The following GGT1 variants were observed in gnomAD, a reference collection of about 807,000 sequenced individuals.
The protein encoded by GGT1 is gamma-glutamyltransferase 1.
GGT1 carries 21 observed loss-of-function variants against 56.0 expected under a neutral mutation model. The ratio of observed to expected loss-of-function variants is 0.38; its 90% CI spans 0.27 to 0.54. GGT1 has a LOEUF of 0.54. GGT1 is among the 20% of genes least tolerant of loss of function. GGT1 has a pLI of 0.82. For synonymous variants in GGT1, 238 were observed against 342.6 expected (o/e 0.69, Z 3.37); for missense variants, 466 against 787.0 (o/e 0.59, Z 4.88).
intron 7 of GGT1, among the ~76,000 whole-genome samples, chr22:24,615,391 A>G (rs2046997327): frequency 6.6e-6 from 1 of 152,214 alleles, no homozygotes; most frequent in African/African-American, 2.4e-5. Context: ...TTATGCTAGC[A>G]GACCTCATGG....
In GGT1 at chr22:24,605,738, TATA is replaced by T. The variant is rs1488226095; in HGVS notation, c.-428-2213_-428-2211del. ...GTGTATTATATATTATATAATATTA[TATA>T]ATGTGTATTATATATTATATAATAT... On this transcript the variant is annotated intron_variant, in intron 1 of 15. Transcript: ENST00000400382. 1.1e-4 allele frequency among the ~76,000 whole-genome samples: 9 copies of T among 78,810 alleles called. 3 individuals are homozygous for T. Among genetic ancestry groups the T allele is most frequent in the Non-Finnish European group, 1.6e-4 (8 of 50,346 alleles). The allele number at this position is 78,810 out of a possible 152,430, so 51.7% of individuals were successfully genotyped here. A position where few individuals can be genotyped will look rare whatever the true frequency, so the allele number is the denominator to read the frequency against.
At chr22:24,586,954 A>G in the GGT1 span, among the ~76,000 whole-genome samples, 2 of 152,230 alleles carry the variant, frequency 1.3e-5, no homozygotes, top group East Asian at 1.9e-4. Context: ...CTCTTTCTTC[A>G]TGAACTATTA....
chr22:24,590,203 G>T (rs2045528590), upstream of GGT1, among the ~76,000 whole-genome samples: 1 of 152,170 alleles, frequency 6.6e-6, no homozygotes, highest in African/African-American at 2.4e-5. Flanking sequence ...CGTGATCTCA[G>T]TTCAGTGTAA....
chr22:24,587,347 C>T, the GGT1 span, among the ~76,000 whole-genome samples: 12 of 152,166 alleles, frequency 7.9e-5, no homozygotes, highest in Admixed American at 3.3e-4. Flanking sequence ...GACCCCCGCC[C>T]CCACCAACCC....
Position 24,627,851 on chromosome 22 carries a change from G to A in GGT1, c.1209-1G>A. 2 of 1,612,566 alleles carry A rather than the reference G, an allele frequency of 1.2e-6. No individual in the cohort carries two copies. Among genetic ancestry groups the A allele is most frequent in the East Asian group, 4.5e-5 (2 of 44,878 alleles). ...CACTGTCTGACCTGGCTGGGCGGTA[G>A]CTTTGGCTCCAAGGTCCGCTCCCCG... On this transcript the variant is annotated splice_acceptor_variant, in intron 12 of 15. Transcript: ENST00000400382. LOFTEE classifies it high-confidence loss of function.
chr22:24,601,235 G>A (rs2045776675), upstream of GGT1, among the ~76,000 whole-genome samples: 1 of 152,222 alleles, frequency 6.6e-6, no homozygotes, highest in Admixed American at 6.5e-5. Context: ...ATCATTGTGA[G>A]CCTCATGATG....
chr22:24,592,205 G>C, upstream of GGT1: 1 of 436,726 alleles, frequency 2.3e-6, no homozygotes, highest in Non-Finnish European at 4.6e-6. Context: ...TTGGGATCTG[G>C]GTTTAGTGTA....
chr22:24,611,773 T>TTG (rs57600451), intron 5 of GGT1, among the ~76,000 whole-genome samples: 21,048 of 130,750 alleles, frequency 0.16, 1,716 homozygotes, highest in Middle Eastern at 0.23. Context: ...CCCAACAAAT[T>TTG]TGTGTGTGTG....
At chr22:24,617,264 C>T (rs1200085051) in intron 7 of GGT1, among the ~76,000 whole-genome samples, 1 of 152,114 alleles carries the variant, frequency 6.6e-6, no homozygotes, top group African/African-American at 2.4e-5. Context: ...GGACAGAGCC[C>T]TGTGGGGAGC....
At chr22:24,592,295 A>G (rs1011131067), upstream of GGT1, 9 of 468,580 alleles carry the variant, frequency 1.9e-5, no homozygotes, top group Non-Finnish European at 3.5e-5. Flanking sequence ...CTCTAAGGGC[A>G]TGAGCCGCCT....
chr22:24,620,994 G>A lies in GGT1; in HGVS notation c.657G>A (p.Thr219=), dbSNP rs756585776. Residue 219 remains threonine (T), a synonymous_variant, in exon 9 of 16, where the codon ACG becomes ACA. Coordinates refer to ENST00000400382, the MANE Select transcript of GGT1 (RefSeq NM_001288833.2). This position sits in a 1 kb window ranked among gnomAD's most constrained non-coding sequence, Gnocchi z 5.6. ...TLPQLADTYE[T]LAIEGAQAFY... is the part of the protein sequence containing the mutation. ...CGCAGCTGGCTGACACCTACGAGAC[G>A]CTGGCCATCGAGGGTGCCCAGGCCT... is the stretch of plus-strand genomic sequence containing the variant. The A allele has an allele frequency of 1.2e-5, 20 of 1,611,580 alleles. No homozygotes were observed. Among genetic ancestry groups the A allele is most frequent in the Middle Eastern group, 2.3e-4 (1 of 4,430 alleles).
In GGT1 at chr22:24,623,836, C is replaced by G; in HGVS notation, c.940C>G (p.His314Asp). Reference sequence around the variant, plus strand: ...CCCCGAGCAGAAGGGCCTGACGTACCACCGCATCGTAGAGGCTTTCCGGTT... The same window carrying G: ...CCCCGAGCAGAAGGGCCTGACGTACGACCGCATCGTAGAGGCTTTCCGGTT... ...ESPEQKGLTY[H>D]RIVEAFRFAY... is the part of the protein sequence containing the mutation. The change falls in exon 11 of 16, where the codon CAC becomes GAC. Residue 314 changes from histidine to aspartate, a missense_variant. Physicochemically the swap from His to Asp is moderately conservative, Grantham distance 81 (BLOSUM62 -1). Coordinates refer to ENST00000400382, the MANE Select transcript of GGT1 (RefSeq NM_001288833.2). The G allele has an allele frequency of 6.2e-7, 1 of 1,611,908 alleles. No individual in the cohort carries two copies. Among genetic ancestry groups the G allele is most frequent in the Non-Finnish European group, 8.5e-7 (1 of 1,179,840 alleles).
At chr22:24,605,426 T>TATATAATATA (rs2046106412) in intron 1 of GGT1, among the ~76,000 whole-genome samples, 1 of 82,072 alleles carries the variant, frequency 1.2e-5, no homozygotes, top group African/African-American at 6.0e-5. Context: ...ATATGTATTA[T>TATATAATATA]ATATTATATA....
chr22:24,585,947 G>C, the GGT1 span: 2 of 1,609,390 alleles, frequency 1.2e-6, no homozygotes, highest in South Asian at 2.2e-5. Context: ...GTCCCAGGTG[G>C]AGGCAGGGGT....
At chr22:24,585,001 C>T in the GGT1 span, among the ~76,000 whole-genome samples, 2 of 152,176 alleles carry the variant, frequency 1.3e-5, no homozygotes. Flanking sequence ...GCTGGTGATG[C>T]GCACCTCCAC....
chr22:24,601,929 G>T (rs2045789486), upstream of GGT1, among the ~76,000 whole-genome samples: 1 of 152,166 alleles, frequency 6.6e-6, no homozygotes, highest in Non-Finnish European at 1.5e-5. Context: ...CCTACCCTCT[G>T]CCCAGCTCCT....
chr22:24,585,374 C>T, the GGT1 span, among the ~76,000 whole-genome samples: 14 of 152,286 alleles, frequency 9.2e-5, no homozygotes, highest in Admixed American at 7.8e-4. Flanking sequence ...CTTCGCAGCT[C>T]CCCTTCTCAA....
At chr22:24,609,116 G>A (rs71318987) in intron 2 of GGT1, 6,172 of 152,430 alleles carry the variant, frequency 0.04, 170 homozygotes, top group Non-Finnish European at 0.06. Context: ...TGGCAAGAGC[G>A]CTGTCAGGCC....
Position 24,605,035 on chromosome 22 carries a change from T to TATATATATATATAA in GGT1, c.-429+1509_-429+1510insTATATATATATAAA, listed in dbSNP as rs1243959617. 3.5e-5 allele frequency among the ~76,000 whole-genome samples: 3 copies of TATATATATATATAA among 85,470 alleles called. 1 individual carries two copies. The highest frequency in any genetic ancestry group is 1.9e-4 in the African/African-American group (3 of 15,890). The allele number at this position is 85,470 out of a possible 152,430, so 56.1% of individuals were successfully genotyped here. On this transcript the variant is annotated intron_variant, in intron 1 of 15. Transcript: ENST00000400382. ...GAATCCTGTATGTCATATATATATATAAAATATGTAATATATTATATATTA... is the reference window on the plus strand; with the variant it reads ...GAATCCTGTATGTCATATATATATATATATATATATATAAAAAATATGTAATATATTATATATTA...
Sources: gnomAD v4.1 joint callset for allele counts (sites outside exome capture counted in the v4.1 genomes callset) on GRCh38, gnomAD v4.1.1 for gene constraint, Gnocchi (gnomAD v3.1) non-coding constraint, MANE v1.5 for transcripts, NCBI Gene and HGNC (gene_info 2026-07-23, HGNC 2026-07-21) for gene names.